The following PPM1H variants were observed in gnomAD, a reference collection of about 807,000 sequenced individuals.
The protein encoded by PPM1H is protein phosphatase 1H.
Under a neutral mutation model 54.9 loss-of-function variants are expected in PPM1H, and 27 were observed. That is an observed-to-expected ratio of 0.49 (90% confidence interval 0.36 to 0.68). The LOEUF (loss-of-function observed/expected upper bound fraction) is 0.68, where lower values mean the gene tolerates loss of function less well. Ranked by LOEUF, PPM1H falls within the 30% of genes least tolerant of loss-of-function variation. The probability of loss-of-function intolerance (pLI) is 0.00; values close to 1 mark genes in which losing one functional copy is unlikely to be tolerated. For synonymous variants in PPM1H, 305 were observed against 270.8 expected, an observed-to-expected ratio of 1.13 and a Z score of -1.24; for missense variants, 596 against 667.8, an observed-to-expected ratio of 0.89 and a Z score of 1.19.
At chr12:62,776,064 ACT>A (rs2076609077) in intron 4 of PPM1H, among the ~76,000 whole-genome samples, 1 of 152,068 alleles carries the variant, frequency 6.6e-6, no homozygotes, top group Non-Finnish European at 1.5e-5. Flanking sequence ...ACCACACGAG[ACT>A]TACTCTCTAT....
intron 6 of PPM1H, among the ~76,000 whole-genome samples, chr12:62,718,312 C>T (rs1253105048): frequency 1.3e-5 from 2 of 152,096 alleles, no homozygotes; most frequent in African/African-American, 4.8e-5. Flanking sequence ...ATGTTTTCTG[C>T]TTCTATCCCT....
chr12:62,691,831 A>G (rs1458781139), intron 7 of PPM1H, among the ~76,000 whole-genome samples: 1 of 143,450 alleles, frequency 7.0e-6, no homozygotes, highest in Non-Finnish European at 1.5e-5. Flanking sequence ...AAAAAAAGTG[A>G]TGCAAAGCAA....
intron 4 of PPM1H, among the ~76,000 whole-genome samples, chr12:62,752,923 G>A (rs368187208): frequency 2.0e-5 from 3 of 152,310 alleles, no homozygotes; most frequent in Admixed American, 6.5e-5. Context: ...AGAAGAGTTG[G>A]TCTGGAGAAG....
At chr12:62,784,464 G>A (rs772231021) in intron 4 of PPM1H, among the ~76,000 whole-genome samples, 2 of 152,118 alleles carry the variant, frequency 1.3e-5, no homozygotes, top group Non-Finnish European at 1.5e-5. Context: ...TTTCCTGAGC[G>A]TGAATAATTA....
rs918336728 is a variant in PPM1H at position 62,645,640 on chromosome 12, T to C, written c.*2849A>G. 6.6e-6 allele frequency: 1 copy of C among 152,148 alleles called. No homozygotes were observed. Among genetic ancestry groups the C allele is most frequent in the Admixed American group, 6.5e-5 (1 of 15,280 alleles). 9.4% of individuals were successfully genotyped at this position (152,148 alleles called of 1,614,324 possible). A position where few individuals can be genotyped will look rare whatever the true frequency, so the allele number is the denominator to read the frequency against. On this transcript the variant is annotated 3_prime_UTR_variant, in exon 10 of 10. Transcript: ENST00000228705. ...TTCTAAGGAAAGGAGTTTCACCAGA[T>C]AGTCTGAAGAGGCCCAGCCCAGCAA...
chr12:62,729,536 G>GA (rs1348469972), intron 5 of PPM1H, among the ~76,000 whole-genome samples: 1 of 152,222 alleles, frequency 6.6e-6, no homozygotes, highest in Non-Finnish European at 1.5e-5. Flanking sequence ...ACAAGCTGAT[G>GA]AAGTTTCACA....
At chr12:62,764,453 C>T (rs2076529149) in intron 4 of PPM1H, among the ~76,000 whole-genome samples, 1 of 152,162 alleles carries the variant, frequency 6.6e-6, no homozygotes, top group Non-Finnish European at 1.5e-5. Context: ...ATATGGAAGG[C>T]TCAGCTTCCA....
intron 5 of PPM1H, among the ~76,000 whole-genome samples, chr12:62,729,106 A>C (rs1204942778): frequency 6.6e-6 from 1 of 152,190 alleles, no homozygotes; most frequent in Non-Finnish European, 1.5e-5. Flanking sequence ...TGGGGCTCAA[A>C]GAACACAAAA....
intron 1 of PPM1H, among the ~76,000 whole-genome samples, chr12:62,842,474 A>T (rs1030019093): frequency 2.6e-5 from 4 of 152,252 alleles, no homozygotes; most frequent in African/African-American, 9.6e-5. Flanking sequence ...AGACAGAAGT[A>T]TTCTAATCTC....
chr12:62,769,312 G>A (rs1365389442), intron 4 of PPM1H, among the ~76,000 whole-genome samples: 1 of 152,188 alleles, frequency 6.6e-6, no homozygotes, highest in Non-Finnish European at 1.5e-5. Context: ...AAAAGGTGGT[G>A]TCCCTAACCA....
intron 2 of PPM1H, among the ~76,000 whole-genome samples, chr12:62,818,217 T>C (rs2076882130): frequency 1.3e-5 from 2 of 152,192 alleles, no homozygotes; most frequent in Non-Finnish European, 2.9e-5. Context: ...GAGTGATCTC[T>C]TTCTCCTTCC....
At chr12:62,690,649 A>G (rs1487007288) in intron 7 of PPM1H, among the ~76,000 whole-genome samples, 1 of 152,244 alleles carries the variant, frequency 6.6e-6, no homozygotes, top group Non-Finnish European at 1.5e-5. Context: ...TGTTGGGGAC[A>G]CAAATGTCTA....
chr12:62,788,321 T>C lies in PPM1H; in HGVS notation c.774A>G (p.Arg258=). ...CAGATATATTATATGAACTCCTCTC[T>C]CGTTCTATCTGTAGGTCCTGGAGAA... ...AFKEMDLQIE[R]ERSSYNISGG... Residue 258 remains arginine (R), a synonymous_variant, in exon 4 of 10, where the codon CGA becomes CGG. Transcript: ENST00000228705. 1 of 1,573,482 alleles carries C rather than the reference T, an allele frequency of 6.4e-7. No homozygotes were observed. The highest frequency in any genetic ancestry group is 1.2e-5 in the South Asian group (1 of 85,678).
In PPM1H at chr12:62,838,784, A is replaced by G. The variant is rs989713456; in HGVS notation, c.246-6505T>C. Among the ~76,000 whole-genome samples the G allele has an allele frequency of 6.8e-5, 9 of 132,306 alleles. 1 individual carries two copies. The highest frequency in any genetic ancestry group is 4.4e-4 in the East Asian group (2 of 4,588). 86.8% of individuals were successfully genotyped at this position (132,306 alleles called of 152,430 possible). A position where few individuals can be genotyped will look rare whatever the true frequency, so the allele number is the denominator to read the frequency against. On this transcript the variant is annotated intron_variant, in intron 1 of 9. Transcript: ENST00000228705. ...AAAATACAAAAAATTAGCCGGGCGT[A>G]GTGGCGGGCGCCTGTAGTCCCAGCT...
At chr12:62,727,730 G>C (rs1377733037) in intron 5 of PPM1H, among the ~76,000 whole-genome samples, 1 of 150,466 alleles carries the variant, frequency 6.6e-6, no homozygotes, top group African/African-American at 2.4e-5. Context: ...ATGCAATCTT[G>C]GCTCACTGCA....
chr12:62,713,408 G>C (rs1325576927), intron 6 of PPM1H, among the ~76,000 whole-genome samples: 1 of 152,290 alleles, frequency 6.6e-6, no homozygotes, highest in East Asian at 1.9e-4. Context: ...GCTGCTTGAG[G>C]AGGGGAGGTG....
intron 4 of PPM1H, among the ~76,000 whole-genome samples, chr12:62,741,489 G>T (rs2076380693): frequency 6.6e-6 from 1 of 152,168 alleles, no homozygotes; most frequent in Non-Finnish European, 1.5e-5. Flanking sequence ...TTTATTATCT[G>T]GTTCTTGCCT....
chr12:62,911,183 C>A (rs772561), intron 1 of PPM1H, among the ~76,000 whole-genome samples: 49,579 of 151,980 alleles, frequency 0.33, 9,672 homozygotes, highest in Non-Finnish European at 0.45. Context: ...GGTCCCTACA[C>A]GGCACTCCAA....
At chr12:62,893,472 T>C (rs1870872839) in intron 1 of PPM1H, among the ~76,000 whole-genome samples, 1 of 152,104 alleles carries the variant, frequency 6.6e-6, no homozygotes, top group Non-Finnish European at 1.5e-5. Context: ...CCTTTTTTTT[T>C]CTGAGACAGG....
Sources: gnomAD v4.1 joint callset for allele counts (sites outside exome capture counted in the v4.1 genomes callset) on GRCh38, gnomAD v4.1.1 for gene constraint, MANE v1.5 for transcripts, NCBI Gene and HGNC (gene_info 2026-07-23, HGNC 2026-07-21) for gene names.